Variants in KCND3 observed in about 807,000 individuals in gnomAD.
KCND3 encodes the protein A-type voltage-gated potassium channel KCND3.
A neutral mutation model predicts 51.1 loss-of-function variants in KCND3; 9 were observed. That is an observed-to-expected ratio of 0.18 (90% CI 0.11 to 0.31). The LOEUF (loss-of-function observed/expected upper bound fraction) is 0.31, where lower values mean the gene tolerates loss of function less well. Ranked by LOEUF, KCND3 falls within the 10% of genes least tolerant of loss-of-function variation. KCND3 has a pLI of 1.00. For synonymous variants in KCND3, 349 were observed against 368.0 expected (o/e 0.95, Z 0.59); for missense variants, 526 against 903.8 (o/e 0.58, Z 5.36).
chr1:111,842,237 A>G (rs964043002), intron 2 of KCND3, among the ~76,000 whole-genome samples: 3 of 152,190 alleles, frequency 2.0e-5, no homozygotes, highest in Non-Finnish European at 4.4e-5. Context: ...AGGGTGGGTC[A>G]GTGCTGGGCT....
At chr1:111,942,456 T>C (rs1160206308) in intron 2 of KCND3, among the ~76,000 whole-genome samples, 1 of 152,214 alleles carries the variant, frequency 6.6e-6, no homozygotes, top group Non-Finnish European at 1.5e-5. Context: ...CCCGAGTCCA[T>C]GCCAGGCAGG....
intron 2 of KCND3, among the ~76,000 whole-genome samples, chr1:111,862,200 T>C (rs1433554574): frequency 2.0e-5 from 3 of 152,248 alleles, no homozygotes; most frequent in Non-Finnish European, 4.4e-5. Flanking sequence ...CAGTATTAGC[T>C]GAAGGGGTTG....
At position 111,771,122 on chromosome 1, in the gene KCND3, A is replaced by C. The variant is rs1200805208; in HGVS notation, c.*4955T>G. The stretch of plus-strand genomic sequence containing the variant: ...GCCGTACACTGGTTAGAGTGACATC[A>C]TCCAGTGTAGTTGAGTAACCTGCTA... On this transcript the variant is annotated 3_prime_UTR_variant, in exon 8 of 8. Transcript: ENST00000302127. 1.3e-5 allele frequency: 2 copies of C among 152,196 alleles called. No homozygotes were observed. Among genetic ancestry groups the C allele is most frequent in the Admixed American group, 1.3e-4 (2 of 15,274 alleles). 9.4% of individuals were successfully genotyped at this position (152,196 alleles called of 1,614,324 possible). A position where few individuals can be genotyped will look rare whatever the true frequency, so the allele number is the denominator to read the frequency against.
intron 2 of KCND3, among the ~76,000 whole-genome samples, chr1:111,934,074 G>A (rs1672099579): frequency 6.6e-6 from 1 of 152,122 alleles, no homozygotes; most frequent in South Asian, 2.1e-4. Flanking sequence ...AGGTGGTGCG[G>A]GGGCTCAGCA....
chr1:111,844,331 T>C (rs1040714800), intron 2 of KCND3, among the ~76,000 whole-genome samples: 2 of 152,196 alleles, frequency 1.3e-5, no homozygotes, highest in African/African-American at 4.8e-5. Context: ...TTCAGAATTA[T>C]TCCTTTTATT....
At chr1:111,835,599 T>C (rs1348108068) in intron 2 of KCND3, among the ~76,000 whole-genome samples, 1 of 152,172 alleles carries the variant, frequency 6.6e-6, no homozygotes, top group Non-Finnish European at 1.5e-5. Flanking sequence ...TATATTCTAA[T>C]TATAATCATT....
chr1:111,804,372 C>A (rs141225460), intron 2 of KCND3, among the ~76,000 whole-genome samples: 18 of 152,334 alleles, frequency 1.2e-4, no homozygotes, highest in Non-Finnish European at 2.4e-4. Flanking sequence ...GTCAGCCTTC[C>A]CCACACCCTG....
intron 2 of KCND3, among the ~76,000 whole-genome samples, chr1:111,917,495 T>C (rs1448255306): frequency 3.3e-5 from 5 of 152,186 alleles, no homozygotes; most frequent in South Asian, 2.1e-4. Flanking sequence ...TGAGATTATA[T>C]AATGGGGATC....
At chr1:111,799,195 T>C (rs1665184184) in intron 2 of KCND3, among the ~76,000 whole-genome samples, 1 of 74,192 alleles carries the variant, frequency 1.3e-5, no homozygotes, top group South Asian at 6.7e-4. Flanking sequence ...TAGATTAAGA[T>C]CAAGTAAAAT....
chr1:111,793,012 C>T (rs913372608), intron 2 of KCND3, among the ~76,000 whole-genome samples: 13 of 150,996 alleles, frequency 8.6e-5, no homozygotes, highest in South Asian at 2.1e-4. Context: ...AAGGACTGCA[C>T]GTGGTTGCCA....
At chr1:111,900,131 T>C (rs1670317814) in intron 2 of KCND3, among the ~76,000 whole-genome samples, 1 of 152,152 alleles carries the variant, frequency 6.6e-6, no homozygotes, top group African/African-American at 2.4e-5. Context: ...CATATGGATA[T>C]GCAGGGCTGC....
chr1:111,952,390 A>G (rs1006141723), intron 2 of KCND3, among the ~76,000 whole-genome samples: 5 of 152,208 alleles, frequency 3.3e-5, no homozygotes, highest in Admixed American at 1.3e-4. Context: ...TGTAGGGTCT[A>G]GGAAAATGAA....
In KCND3 at chr1:111,775,011, T is replaced by C. The variant is rs1290930456; in HGVS notation, c.*1066A>G. 1 of 152,208 alleles carries C rather than the reference T, an allele frequency of 6.6e-6. No individual in the cohort carries two copies. The highest frequency in any genetic ancestry group is 2.4e-5 in the African/African-American group (1 of 41,418). The allele number at this position is 152,208 out of a possible 1,614,324, so 9.4% of individuals were successfully genotyped here. A position where few individuals can be genotyped will look rare whatever the true frequency, so the allele number is the denominator to read the frequency against. On this transcript the variant is annotated 3_prime_UTR_variant, in exon 8 of 8. Transcript: ENST00000302127. ...CTTTTCAAGATTCCAGTGTGATAAA[T>C]CTGTTCATTCCCTTTCTTTCCCAGA... is the stretch of plus-strand genomic sequence containing the variant.
At chr1:111,855,500 A>G (rs1371746429) in intron 2 of KCND3, among the ~76,000 whole-genome samples, 5 of 152,172 alleles carry the variant, frequency 3.3e-5, no homozygotes, top group African/African-American at 1.2e-4. Context: ...TAATGACCAC[A>G]TACCAGCCTG....
At chr1:111,781,455 T>G (rs1213911930) in intron 3 of KCND3, among the ~76,000 whole-genome samples, 3 of 152,242 alleles carry the variant, frequency 2.0e-5, no homozygotes, top group African/African-American at 7.2e-5. Flanking sequence ...AGGTTCTCGA[T>G]TTTTAAAGTT....
At position 111,774,036 on chromosome 1, in the gene KCND3, G is replaced by C. The variant is rs1664015726; in HGVS notation, c.*2041C>G. 1 of 152,172 alleles carries C rather than the reference G, an allele frequency of 6.6e-6. No homozygotes were observed. The highest frequency in any genetic ancestry group is 1.5e-5 in the Non-Finnish European group (1 of 68,066). 9.4% of individuals were successfully genotyped at this position (152,172 alleles called of 1,614,324 possible). ...AAGAACCACTCCATTCCCACATTAG[G>C]GGACCCAGAGAAAGAACTCAGCCCA... On this transcript the variant is annotated 3_prime_UTR_variant, in exon 8 of 8. Transcript: ENST00000302127.
At chr1:111,879,610 A>G (rs1298537350) in intron 2 of KCND3, among the ~76,000 whole-genome samples, 1 of 152,200 alleles carries the variant, frequency 6.6e-6, no homozygotes, top group Non-Finnish European at 1.5e-5. Flanking sequence ...CTGGGGAAAA[A>G]CAATGGCTGA....
rs531091358 is a variant in KCND3 at position 111,788,911 on chromosome 1, T to C, written c.1107-1805A>G. ...ACAGCTCCACAAACAATAGATACTATTACTTTTAGCTAGGCATTCTGAAAA... is the reference window on the plus strand; with the variant it reads ...ACAGCTCCACAAACAATAGATACTACTACTTTTAGCTAGGCATTCTGAAAA... On this transcript the variant is annotated intron_variant, in intron 2 of 7. Transcript: ENST00000302127. 2.0e-5 allele frequency among the ~76,000 whole-genome samples: 3 copies of C among 152,348 alleles called. No homozygotes were observed. In the East Asian group the frequency reaches 5.8e-4, roughly 29 times the overall value.
At chr1:111,958,655 TG>T (rs1421938994) in intron 2 of KCND3, among the ~76,000 whole-genome samples, 1 of 152,228 alleles carries the variant, frequency 6.6e-6, no homozygotes, top group Non-Finnish European at 1.5e-5. Context: ...CTTGGATTTC[TG>T]GGGATGCTTT....
Sources: allele counts gnomAD v4.1 joint callset (sites outside exome capture counted in the v4.1 genomes callset), GRCh38; gene constraint gnomAD v4.1.1; transcripts MANE v1.5; gene names NCBI Gene and HGNC (gene_info 2026-07-23, HGNC 2026-07-21).